The following BSG variants were observed in gnomAD, a reference collection of about 807,000 sequenced individuals.
BSG encodes the protein basigin (Ok blood group).
A neutral mutation model predicts 43.1 loss-of-function variants in BSG; 37 were observed. The ratio of observed to expected loss-of-function variants is 0.86; its 90% CI spans 0.66 to 1.13. The LOEUF (loss-of-function observed/expected upper bound fraction) is 1.13, where lower values mean the gene tolerates loss of function less well. Among genes scored for constraint, BSG ranks in the 50% most tolerant of loss-of-function variants. The pLI is 0.00. For missense variants in BSG, 599 were observed against 554.2 expected (o/e 1.08, Z -0.81); for synonymous variants, 309 against 238.7 (o/e 1.29, Z -2.72).
intron 2 of BSG, chr19:579,194 C>A (rs939327327): frequency 1.9e-6 from 1 of 518,452 alleles, no homozygotes; most frequent in South Asian, 1.5e-5. Flanking sequence ...AGGAACATCG[C>A]CAGGCGGGGC....
intron 6 of BSG, 72 bp from the exon 7 acceptor site, chr19:582,234 G>C: frequency 1.9e-6 from 3 of 1,586,532 alleles, no homozygotes; most frequent in Non-Finnish European, 2.6e-6. Flanking sequence ...GCCCCTGCTC[G>C]GGGCCTGAGT....
chr19:578,952 G>T (rs746150782), intron 2 of BSG: 3 of 451,376 alleles, frequency 6.6e-6, no homozygotes, highest in Admixed American at 2.4e-5. Context: ...GGATGGTCTC[G>T]ATCTCCCGAC....
chr19:580,605 G>A, intron 4 of BSG, 41 bp from the exon 5 acceptor site: 2 of 1,611,458 alleles, frequency 1.2e-6, no homozygotes, highest in Non-Finnish European at 1.7e-6. Context: ...GATGGGGGCG[G>A]GCCTGCGGTT....
At chr19:574,381 G>T (rs1183706717) in intron 1 of BSG, among the ~76,000 whole-genome samples, 1 of 151,972 alleles carries the variant, frequency 6.6e-6, no homozygotes, top group Non-Finnish European at 1.5e-5. Flanking sequence ...GTGAAACCCC[G>T]TCTCTACTAA....
At chr19:578,976 C>T (rs28921989) in intron 2 of BSG, 5,307 of 451,330 alleles carry the variant, frequency 0.012, 51 homozygotes, top group South Asian at 0.022. Context: ...GAGATCCACC[C>T]GCCTTGGCCT....
rs976024390 is a variant in BSG at position 576,109 on chromosome 19, C to A, written c.68-1665C>A. 9.2e-5 allele frequency among the ~76,000 whole-genome samples: 14 copies of A among 152,244 alleles called. 1 individual carries two copies. Among genetic ancestry groups the A allele is most frequent in the East Asian group, 7.7e-4 (4 of 5,198 alleles). ...AGCACCGGGACCGGTGCAGATGGCG[C>A]CTGGGAGCCCGGGACTCCTGGAAAG... On this transcript the variant is annotated intron_variant, in intron 1 of 8. Coordinates refer to ENST00000333511, the MANE Select transcript of BSG (RefSeq NM_001728.4).
At chr19:574,762 C>T (rs746114349) in intron 1 of BSG, among the ~76,000 whole-genome samples, 3 of 152,196 alleles carry the variant, frequency 2.0e-5, no homozygotes, top group African/African-American at 4.8e-5. Context: ...TCTGAGATTT[C>T]GTCTTCCTGG....
intron 1 of BSG, among the ~76,000 whole-genome samples, chr19:574,254 A>T (rs113253335): frequency 0.012 from 827 of 69,318 alleles, 13 homozygotes; most frequent in African/African-American, 0.068. Context: ...CTCTGTCTTT[A>T]AAAAAAAAAA....
intron 6 of BSG, 147 bp from the exon 7 acceptor site, chr19:582,159 C>T (rs1326215138): frequency 5.2e-6 from 5 of 966,520 alleles, no homozygotes; most frequent in East Asian, 5.2e-5. Flanking sequence ...TGCACGTGGC[C>T]GGGGCTGATG....
upstream of BSG, chr19:571,830 G>A (rs1394021923): frequency 3.7e-6 from 2 of 539,446 alleles, no homozygotes; most frequent in Non-Finnish European, 3.3e-6. Flanking sequence ...ATCCCGGTTG[G>A]CTAAAACTTA....
intron 5 of BSG, among the ~76,000 whole-genome samples, chr19:581,108 A>AGCCCTTGCCTTTGGTCCCCTAG (rs1982271975): frequency 1.2e-5 from 1 of 83,686 alleles, no homozygotes; most frequent in Admixed American, 1.1e-4. Context: ...TCCCGGACCC[A>AGCCCTTGCCTTTGGTCCCCTAG]GCCCTCAGGA....
upstream of BSG, chr19:571,722 G>C (rs1365395306): frequency 4.3e-6 from 3 of 692,876 alleles, no homozygotes; most frequent in African/African-American, 3.5e-5. Flanking sequence ...CTGCCTGCGT[G>C]GGATGCAATC....
At chr19:578,610 G>A (rs1259257046) in intron 2 of BSG, among the ~76,000 whole-genome samples, 1 of 152,254 alleles carries the variant, frequency 6.6e-6, no homozygotes, top group East Asian at 1.9e-4. Context: ...TTGGGGATTG[G>A]CAGAAGAACC....
chr19:571,904 T>G (rs1981271439), upstream of BSG, among the ~76,000 whole-genome samples: 1 of 152,168 alleles, frequency 6.6e-6, no homozygotes, highest in Admixed American at 6.5e-5. Flanking sequence ...TAAGGTTGAT[T>G]GACAACTTTA....
At position 582,892 on chromosome 19, in the gene BSG, T is replaced by G. The variant is rs1982462388; in HGVS notation, c.*148T>G. On this transcript the variant is annotated 3_prime_UTR_variant, in exon 9 of 9. Transcript: ENST00000333511. ...TACACTTCCTTCTTTTTTAAAAAAGTTGGGTTTTCTCCATTCAGGATTCTG... is the reference window on the plus strand; with the variant it reads ...TACACTTCCTTCTTTTTTAAAAAAGGTGGGTTTTCTCCATTCAGGATTCTG... 2 of 427,914 alleles carry G rather than the reference T, an allele frequency of 4.7e-6. No individual in the cohort carries two copies. The highest frequency in any genetic ancestry group is 4.1e-5 in the African/African-American group (2 of 49,248). The allele number at this position is 427,914 out of a possible 1,614,324, so 26.5% of individuals were successfully genotyped here.
chr19:579,354 C>A, intron 2 of BSG, 146 bp from the exon 3 acceptor site: 2 of 1,130,160 alleles, frequency 1.8e-6, no homozygotes, highest in Non-Finnish European at 2.6e-6. Context: ...CTTGGGCCTC[C>A]GGTCCTCGGG....
rs763348968 is a variant in BSG at position 577,943 on chromosome 19, C to T, written c.237C>T (p.Val79=). ...QLWDGARLDR[V]HIHATYHQHA... ...GGGACGGCGCCCGGCTGGACCGCGT[C>T]CACATCCACGCCACCTACCACCAGC... Residue 79 remains valine (V), a synonymous_variant, in exon 2 of 9, where the codon GTC becomes GTT. Transcript: ENST00000333511. 4 of 1,610,218 alleles carry T rather than the reference C, an allele frequency of 2.5e-6. No homozygotes were observed. The highest frequency in any genetic ancestry group is 2.5e-6 in the Non-Finnish European group (3 of 1,178,438).
chr19:571,560 G>A (rs775506547), upstream of BSG: 2 of 779,584 alleles, frequency 2.6e-6, no homozygotes, highest in Non-Finnish European at 4.8e-6. Context: ...GAAGCAGTCG[G>A]ACGCGTCTCC....
rs1435893738 is a variant in BSG at position 576,752 on chromosome 19, A to C, written c.68-1022A>C. Among the ~76,000 whole-genome samples, 15 of 141,200 alleles carry C rather than the reference A, an allele frequency of 1.1e-4. 1 individual carries two copies. The South Asian group carries it at 3.7e-3, about 35-fold the overall frequency. The allele number at this position is 141,200 out of a possible 152,430, so 92.6% of individuals were successfully genotyped here. A position where few individuals can be genotyped will look rare whatever the true frequency, so the allele number is the denominator to read the frequency against. On this transcript the variant is annotated intron_variant, in intron 1 of 8. Transcript: ENST00000333511. The stretch of plus-strand genomic sequence containing the variant: ...GAACAGAGTGAGACTCTGTCTCAAA[A>C]AAAAAAAAAAGAAGAAGAGGAGAAA...
Sources: gnomAD v4.1 joint callset for allele counts (sites outside exome capture counted in the v4.1 genomes callset) on GRCh38, gnomAD v4.1.1 for gene constraint, MANE v1.5 for transcripts, NCBI Gene and HGNC (gene_info 2026-07-23, HGNC 2026-07-21) for gene names.